ARHGEF37: variants seen among roughly 807,000 people sequenced by gnomAD.
The protein encoded by ARHGEF37 is Rho guanine nucleotide exchange factor (GEF) 37.
In ARHGEF37, 55 loss-of-function variants were observed where a neutral mutation model predicts 71.1. That is an observed-to-expected ratio of 0.77 (90% CI 0.62 to 0.97). The LOEUF (loss-of-function observed/expected upper bound fraction) is 0.97, where lower values mean the gene tolerates loss of function less well. Ranked by LOEUF, ARHGEF37 falls within the 50% of genes least tolerant of loss-of-function variation. The pLI, the probability that ARHGEF37 is intolerant of heterozygous loss-of-function variation, is 0.00. For synonymous variants in ARHGEF37, 327 were observed against 350.6 expected (o/e 0.93, Z 0.75); for missense variants, 765 against 836.8 (o/e 0.91, Z 1.06).
At chr5:149,561,200 G>T (rs1171230375) in intron 1 of ARHGEF37, among the ~76,000 whole-genome samples, 1 of 150,774 alleles carries the variant, frequency 6.6e-6, no homozygotes, top group East Asian at 2.0e-4. Flanking sequence ...TTGAACCTGG[G>T]AGGCAGAGGT....
At chr5:149,587,363 A>G (rs1763268167) in intron 1 of ARHGEF37, among the ~76,000 whole-genome samples, 1 of 152,148 alleles carries the variant, frequency 6.6e-6, no homozygotes, top group South Asian at 2.1e-4. Context: ...TACCCTTTCC[A>G]TCTTAACAAT....
intron 4 of ARHGEF37, among the ~76,000 whole-genome samples, chr5:149,612,360 G>T (rs919003859): frequency 8.5e-5 from 13 of 152,128 alleles, no homozygotes; most frequent in Non-Finnish European, 1.6e-4. Flanking sequence ...GTAGAGATGG[G>T]GTTTCACCGT....
intron 1 of ARHGEF37, among the ~76,000 whole-genome samples, chr5:149,586,991 T>C (rs1169201915): frequency 6.6e-6 from 1 of 152,242 alleles, no homozygotes; most frequent in East Asian, 1.9e-4. Context: ...TAGCCTATGC[T>C]GACTCCAGAT....
At chr5:149,552,401 T>G (rs1467161308) in intron 1 of ARHGEF37, among the ~76,000 whole-genome samples, 1 of 152,140 alleles carries the variant, frequency 6.6e-6, no homozygotes, top group Non-Finnish European at 1.5e-5. Flanking sequence ...CCACGTTTTG[T>G]TTTACAAAAT....
intron 10 of ARHGEF37, among the ~76,000 whole-genome samples, chr5:149,624,903 T>TTTG (rs1277955649): frequency 2.0e-5 from 3 of 150,106 alleles, no homozygotes; most frequent in Non-Finnish European, 4.5e-5. Flanking sequence ...CTTTTGGGTT[T>TTTG]TTTTTTTTTT....
intron 5 of ARHGEF37, 133 bp downstream of exon 5, chr5:149,616,899 C>T: frequency 1.1e-6 from 1 of 941,854 alleles, no homozygotes; most frequent in Admixed American, 2.8e-5. Context: ...GTAATGCAAG[C>T]TTTAGGTAGG....
intron 7 of ARHGEF37, 69 bp downstream of exon 7, chr5:149,619,111 C>A: frequency 7.6e-7 from 1 of 1,311,576 alleles, no homozygotes; most frequent in Non-Finnish European, 1.1e-6. Context: ...GCTTGCAGGG[C>A]CCAGCCTACA....
rs534959704 is a variant in ARHGEF37 at position 149,604,095 on chromosome 5, G to C, written c.310+2864G>C. On this transcript the variant is annotated intron_variant, in intron 3 of 12. Coordinates refer to ENST00000333677, the MANE Select transcript of ARHGEF37 (RefSeq NM_001001669.3). ...CTAAGGGTCTAAGGACTTTGAGCTC[G>C]GGCTCTTCTATAGCTACATGTTTGA... Among the ~76,000 whole-genome samples the C allele has an allele frequency of 2.4e-4, 36 of 152,182 alleles. No homozygotes were observed. The South Asian group carries it at 4.6e-3, about 19-fold the overall frequency.
intron 1 of ARHGEF37, among the ~76,000 whole-genome samples, chr5:149,556,384 A>ATTTATTTG (rs1292729675): frequency 9.3e-5 from 14 of 149,754 alleles, no homozygotes; most frequent in African/African-American, 3.2e-4. Context: ...TTATTTATTT[A>ATTTATTTG]TTTATTTATT....
At chr5:149,618,026 C>A in intron 5 of ARHGEF37, 150 bp from the exon 6 acceptor site, 2 of 1,152,438 alleles carry the variant, frequency 1.7e-6, no homozygotes, top group Non-Finnish European at 2.5e-6. Flanking sequence ...ACAGAGGACC[C>A]TATGCTTTTC....
chr5:149,559,894 A>G (rs192336710), intron 1 of ARHGEF37, among the ~76,000 whole-genome samples: 20 of 152,316 alleles, frequency 1.3e-4, no homozygotes, highest in Admixed American at 5.9e-4. Flanking sequence ...GGATGTGCTC[A>G]TGCTATTAAA....
chr5:149,627,941 A>G lies in ARHGEF37; in HGVS notation c.1660+670A>G, dbSNP rs1438701390. 2.6e-5 allele frequency among the ~76,000 whole-genome samples: 4 copies of G among 152,222 alleles called. No homozygotes were observed. In the South Asian group the frequency reaches 8.3e-4, roughly 31 times the overall value. ...TTATAATTGTTACTTAAGCATTTTAATGTGTATTAGAAAAAATATAAGTAG... is the reference window on the plus strand; with the variant it reads ...TTATAATTGTTACTTAAGCATTTTAGTGTGTATTAGAAAAAATATAAGTAG... On this transcript the variant is annotated intron_variant, in intron 11 of 12. Transcript: ENST00000333677.
In ARHGEF37 at chr5:149,621,961, C is replaced by A. The variant is rs1173102041; in HGVS notation, c.1234C>A (p.Leu412Met). Reference protein sequence around the residue: ...LVAELPQFNQLVMQWLGQIMC... With the variant: ...LVAELPQFNQMVMQWLGQIMC... The stretch of plus-strand genomic sequence containing the variant: ...GGCTGAGCTCCCACAGTTTAACCAG[C>A]TGGTCATGCAGTGGCTGGGCCAGAT... The change falls in exon 9 of 13, where the codon CTG becomes ATG. Residue 412 changes from leucine to methionine, a missense_variant. Leu to Met is a conservative substitution (Grantham distance 15). Around this residue, in one of 5 missense-constraint regions of ARHGEF37, gnomAD observed 390 missense variants for 407.4 expected, o/e 0.96. Transcript: ENST00000333677. 1 of 1,614,134 alleles carries A rather than the reference C, an allele frequency of 6.2e-7. No individual in the cohort carries two copies. The highest frequency in any genetic ancestry group is 8.5e-7 in the Non-Finnish European group (1 of 1,180,048).
intron 1 of ARHGEF37, among the ~76,000 whole-genome samples, chr5:149,573,564 T>G (rs984979334): frequency 1.3e-5 from 2 of 152,186 alleles, no homozygotes; most frequent in African/African-American, 4.8e-5. Context: ...TGCTTTATTT[T>G]CCTTCATGGC....
intron 3 of ARHGEF37, among the ~76,000 whole-genome samples, chr5:149,607,201 C>A (rs1469526814): frequency 6.6e-6 from 1 of 152,244 alleles, no homozygotes; most frequent in Non-Finnish European, 1.5e-5. Context: ...TAGCACCCAA[C>A]CTGTTTTATT....
intron 2 of ARHGEF37, among the ~76,000 whole-genome samples, chr5:149,599,658 T>C (rs1763695604): frequency 6.6e-6 from 1 of 152,216 alleles, no homozygotes; most frequent in Non-Finnish European, 1.5e-5. Flanking sequence ...TGAGAGTTAC[T>C]ATTACAGTGC....
chr5:149,570,276 A>G (rs1762946546), intron 1 of ARHGEF37, among the ~76,000 whole-genome samples: 1 of 152,200 alleles, frequency 6.6e-6, no homozygotes, highest in Non-Finnish European at 1.5e-5. Flanking sequence ...AATTAAAATT[A>G]AAGTTTAACT....
intron 3 of ARHGEF37, among the ~76,000 whole-genome samples, chr5:149,608,159 G>A (rs570495311): frequency 5.5e-4 from 84 of 152,230 alleles, no homozygotes; most frequent in Non-Finnish European, 9.8e-4. Context: ...AATGTCATCA[G>A]TTAAGCTATT....
upstream of ARHGEF37, among the ~76,000 whole-genome samples, chr5:149,578,297 G>A (rs1763048952): frequency 6.6e-6 from 1 of 152,164 alleles, no homozygotes; most frequent in Non-Finnish European, 1.5e-5. Flanking sequence ...AAAGACTCCA[G>A]TGCTGCTTAC....
Sources: gnomAD v4.1 joint callset for allele counts (sites outside exome capture counted in the v4.1 genomes callset) on GRCh38, gnomAD v4.1.1 for gene constraint, gnomAD v4.1.1 regional missense constraint, MANE v1.5 for transcripts, NCBI Gene and HGNC (gene_info 2026-07-23, HGNC 2026-07-21) for gene names.